Variants in TRAK1 observed in about 807,000 individuals in gnomAD.
TRAK1 encodes trafficking kinesin protein 1, also known as trafficking kinesin-binding protein 1.
TRAK1 carries 33 observed loss-of-function variants against 92.1 expected under a neutral mutation model. The ratio of observed to expected loss-of-function variants is 0.36; its 90% CI spans 0.27 to 0.48. The LOEUF (loss-of-function observed/expected upper bound fraction) is 0.48. TRAK1 is among the 20% of genes least tolerant of loss of function. The pLI is 0.99. For synonymous variants in TRAK1, 521 were observed against 517.3 expected (o/e 1.01, Z -0.10); for missense variants, 1,123 against 1,257.9 (o/e 0.89, Z 1.62).
chr3:42,128,730 T>G (rs1207253172), intron 2 of TRAK1, among the ~76,000 whole-genome samples: 1 of 152,252 alleles, frequency 6.6e-6, no homozygotes, highest in Non-Finnish European at 1.5e-5. Context: ...TATTTTCATG[T>G]CATGCTTCAG....
chr3:42,203,828 C>A, intron 13 of TRAK1: 1 of 833,452 alleles, frequency 1.2e-6, no homozygotes, highest in Non-Finnish European at 1.4e-6. Context: ...TATACATAAA[C>A]AATACATAAG....
At chr3:42,113,217 T>A (rs1357610079) in intron 1 of TRAK1, among the ~76,000 whole-genome samples, 4 of 150,350 alleles carry the variant, frequency 2.7e-5, no homozygotes, top group Non-Finnish European at 6.0e-5. Flanking sequence ...CACTTCAGCC[T>A]AGGTGACAGA....
intron 2 of TRAK1, among the ~76,000 whole-genome samples, chr3:42,170,439 A>G (rs1047946010): frequency 6.6e-6 from 1 of 152,140 alleles, no homozygotes; most frequent in Non-Finnish European, 1.5e-5. Flanking sequence ...CAGGTGCCAA[A>G]TGTAGTATTG....
intron 1 of TRAK1, among the ~76,000 whole-genome samples, chr3:42,060,637 T>C (rs1164675750): frequency 2.0e-5 from 3 of 150,602 alleles, no homozygotes; most frequent in Admixed American, 1.3e-4. Flanking sequence ...TTTTTTTTTT[T>C]TTTTTTTGAG....
chr3:42,026,034 G>A (rs925143267), intron 1 of TRAK1, among the ~76,000 whole-genome samples: 9 of 149,424 alleles, frequency 6.0e-5, no homozygotes, highest in Non-Finnish European at 1.0e-4. Flanking sequence ...TTCTTTCTCC[G>A]TTTATCTTTC....
intron 1 of TRAK1, among the ~76,000 whole-genome samples, chr3:42,104,424 CCTAA>C (rs1188215045): frequency 2.0e-5 from 3 of 152,180 alleles, no homozygotes; most frequent in South Asian, 2.1e-4. Context: ...CACCGAGTAG[CCTAA>C]CTGAGAGGCA....
intron 2 of TRAK1, among the ~76,000 whole-genome samples, chr3:42,174,596 G>A (rs1471082025): frequency 2.0e-5 from 3 of 151,118 alleles, no homozygotes; most frequent in African/African-American, 2.4e-5. Context: ...TCAGCCTCCC[G>A]AGTAGCTGGG....
intron 2 of TRAK1, among the ~76,000 whole-genome samples, chr3:42,165,027 C>T (rs1224534673): frequency 6.6e-6 from 1 of 152,104 alleles, no homozygotes; most frequent in Non-Finnish European, 1.5e-5. Flanking sequence ...TTTGTAATTT[C>T]TTCTCATCAG....
At chr3:42,079,320 G>A (rs569559374) in intron 1 of TRAK1, among the ~76,000 whole-genome samples, 6 of 152,252 alleles carry the variant, frequency 3.9e-5, no homozygotes, top group Middle Eastern at 3.4e-3. Flanking sequence ...CCTCTGCCCA[G>A]AAAGAGGAAA....
intron 1 of TRAK1, among the ~76,000 whole-genome samples, chr3:42,060,013 CT>C (rs1307913405): frequency 6.6e-6 from 1 of 152,200 alleles, no homozygotes; most frequent in Non-Finnish European, 1.5e-5. Flanking sequence ...TTCTTTCCCC[CT>C]GCATAAGAAA....
chr3:42,041,229 G>A (rs1702529244), intron 1 of TRAK1, among the ~76,000 whole-genome samples: 1 of 150,506 alleles, frequency 6.6e-6, no homozygotes, highest in African/African-American at 2.4e-5. Flanking sequence ...ACAATATTAA[G>A]CCTTCCAATA....
At chr3:42,015,227 A>G (rs1230128214) in intron 1 of TRAK1, among the ~76,000 whole-genome samples, 1 of 152,178 alleles carries the variant, frequency 6.6e-6, no homozygotes, top group Non-Finnish European at 1.5e-5. Context: ...GCTTTGTCAC[A>G]GAGGTTCCCA....
At chr3:42,110,541 A>G (rs1708248523) in intron 1 of TRAK1, among the ~76,000 whole-genome samples, 1 of 152,104 alleles carries the variant, frequency 6.6e-6, no homozygotes, top group Admixed American at 6.5e-5. Flanking sequence ...AGGGTTGTAA[A>G]CATTCACACT....
chr3:42,059,352 G>A (rs1184439087), intron 1 of TRAK1, among the ~76,000 whole-genome samples: 1 of 152,198 alleles, frequency 6.6e-6, no homozygotes, highest in East Asian at 1.9e-4. Flanking sequence ...TGTGTATACA[G>A]ATTTTGAGAT....
At chr3:42,142,292 G>A (rs76924853) in intron 2 of TRAK1, among the ~76,000 whole-genome samples, 4,880 of 152,256 alleles carry the variant, frequency 0.032, 124 homozygotes, top group Middle Eastern at 0.054. Flanking sequence ...GCGACTTGTG[G>A]TTGTGACCTG....
Position 42,212,275 on chromosome 3 carries a change from G to A in TRAK1, c.1963+2290G>A, listed in dbSNP as rs145221598. The A allele has an allele frequency of 5.7e-5, 56 of 985,346 alleles. 1 individual carries two copies. Among genetic ancestry groups the A allele is most frequent in the Middle Eastern group, 1.0e-3 (2 of 1,914 alleles). The allele number at this position is 985,346 out of a possible 1,614,324, so 61.0% of individuals were successfully genotyped here. On this transcript the variant is annotated intron_variant, in intron 14 of 15. Coordinates refer to ENST00000327628, the MANE Select transcript of TRAK1 (RefSeq NM_001042646.3). ...CCCTGCCTTTTAATCCGTCCTCTACGCTTGGGCTTTTCTGTTACCAAACAG... is the reference window on the plus strand; with the variant it reads ...CCCTGCCTTTTAATCCGTCCTCTACACTTGGGCTTTTCTGTTACCAAACAG...
At chr3:42,093,877 T>C (rs985759546) in intron 1 of TRAK1, among the ~76,000 whole-genome samples, 2 of 151,520 alleles carry the variant, frequency 1.3e-5, no homozygotes, top group Admixed American at 1.3e-4. Flanking sequence ...TATTTTTTTG[T>C]ATTTTTAGTA....
intron 9 of TRAK1, among the ~76,000 whole-genome samples, chr3:42,194,186 G>C (rs1171394079): frequency 6.6e-6 from 1 of 152,176 alleles, no homozygotes; most frequent in Non-Finnish European, 1.5e-5. Flanking sequence ...AGAGCACTCT[G>C]GGAGAGGAAT....
At chr3:42,219,818 CAG>C (rs1378526082) in intron 15 of TRAK1, among the ~76,000 whole-genome samples, 2 of 71,652 alleles carry the variant, frequency 2.8e-5, no homozygotes, top group Admixed American at 2.2e-4. Context: ...TTTTTTGAGG[CAG>C]AGTTTTGCTC....
Sources: allele counts gnomAD v4.1 joint callset (sites outside exome capture counted in the v4.1 genomes callset), GRCh38; gene constraint gnomAD v4.1.1; transcripts MANE v1.5; gene names NCBI Gene and HGNC (gene_info 2026-07-23, HGNC 2026-07-21).